The following PLXNA4 variants were observed in gnomAD, a reference collection of about 807,000 sequenced individuals.
PLXNA4 encodes the protein plexin A4, also known as plexin-A4.
A neutral mutation model predicts 191.8 loss-of-function variants in PLXNA4; 44 were observed. That is an observed-to-expected ratio of 0.23 (90% CI 0.18 to 0.29). PLXNA4 has a LOEUF of 0.29. Ranked by LOEUF, PLXNA4 falls within the 10% of genes least tolerant of loss-of-function variation. The pLI, the probability that PLXNA4 is intolerant of heterozygous loss-of-function variation, is 1.00. For synonymous variants in PLXNA4, 1,082 were observed against 1,009.5 expected (o/e 1.07, Z -1.36); for missense variants, 1,800 against 2,488.8 (o/e 0.72, Z 5.89).
chr7:132,396,259 A>T (rs2117018479), intron 3 of PLXNA4, among the ~76,000 whole-genome samples: 1 of 152,272 alleles, frequency 6.6e-6, no homozygotes. Flanking sequence ...GAATGGGGAG[A>T]GCTGCAGGTT....
intron 2 of PLXNA4, among the ~76,000 whole-genome samples, chr7:132,592,840 C>CTT (rs71272892): frequency 5.4e-5 from 8 of 149,298 alleles, no homozygotes; most frequent in African/African-American, 2.0e-4. Context: ...CCCTACGTGC[C>CTT]TTTTTTTTTC....
intron 2 of PLXNA4, among the ~76,000 whole-genome samples, chr7:132,599,500 T>A (rs541638595): frequency 6.6e-6 from 1 of 152,312 alleles, no homozygotes; most frequent in South Asian, 2.1e-4. Context: ...TAACACTCTA[T>A]TTTTAAATAT....
chr7:132,407,213 G>A (rs752278045), intron 3 of PLXNA4, among the ~76,000 whole-genome samples: 1 of 152,204 alleles, frequency 6.6e-6, no homozygotes, highest in Non-Finnish European at 1.5e-5. Context: ...AAGCAAGGCG[G>A]AAATGGCCCA....
chr7:132,407,743 T>C (rs1794282550), intron 3 of PLXNA4, among the ~76,000 whole-genome samples: 1 of 152,232 alleles, frequency 6.6e-6, no homozygotes, highest in Non-Finnish European at 1.5e-5. Context: ...CAGGGCTTTG[T>C]TGAATTGTGA....
Position 132,576,338 on chromosome 7 carries a change from G to T in PLXNA4, c.-87+84C>A. The T allele has an allele frequency of 4.2e-6, 4 of 953,094 alleles. No homozygotes were observed. The highest frequency in any genetic ancestry group is 5.0e-6 in the Non-Finnish European group (4 of 800,614). 59.0% of individuals were successfully genotyped at this position (953,094 alleles called of 1,614,324 possible). On this transcript the variant is annotated intron_variant, in intron 1 of 31. Coordinates refer to ENST00000321063, the MANE Select transcript of PLXNA4 (RefSeq NM_020911.2). This position sits in a 1 kb window ranked among gnomAD's most constrained non-coding sequence, Gnocchi z 5.8. ...CGCGGGCTGGCTCCGGGACACTGAG[G>T]ACTCCCGGGTCGGCCCAGGTCTGTC...
chr7:132,237,034 G>C (rs2117021084), intron 5 of PLXNA4, among the ~76,000 whole-genome samples: 1 of 152,344 alleles, frequency 6.6e-6, no homozygotes, highest in South Asian at 2.1e-4. Context: ...GAAGGAGAGA[G>C]CTCTCTGGAT....
chr7:132,638,982 C>T (rs910518034), intron 2 of PLXNA4, among the ~76,000 whole-genome samples: 2 of 152,184 alleles, frequency 1.3e-5, no homozygotes, highest in African/African-American at 4.8e-5. Context: ...ATTACACCCA[C>T]GTGTCCAGCA....
chr7:132,269,755 C>T (rs528103273), intron 4 of PLXNA4, among the ~76,000 whole-genome samples: 3 of 151,788 alleles, frequency 2.0e-5, no homozygotes, highest in African/African-American at 7.3e-5. Flanking sequence ...AATGTGGCTT[C>T]ATTTTGTTGT....
Position 132,181,430 on chromosome 7 carries a change from C to T in PLXNA4, c.3443G>A (p.Gly1148Asp), listed in dbSNP as rs761137076. ...CTTGAGCTCCAGGATTCCTGAGGGACCAAAGGCCTCAAACACCGGGTTGGG... is the reference window on the plus strand; with the variant it reads ...CTTGAGCTCCAGGATTCCTGAGGGATCAAAGGCCTCAAACACCGGGTTGGG... Reference protein sequence around the residue: ...YYPNPVFEAFGPSGILELKPG... With the variant: ...YYPNPVFEAFDPSGILELKPG... The change falls in exon 18 of 32, where the codon GGT (glycine) becomes GAT (aspartate). Residue 1148 changes from glycine (G) to aspartate (D), a missense_variant. By Grantham distance (94) the Gly-to-Asp change is moderately conservative. This residue lies in a region of PLXNA4 where 1,397 missense variants were observed against 1,880.4 expected (regional missense o/e 0.74). Transcript: ENST00000321063. The T allele has an allele frequency of 4.3e-6, 7 of 1,614,074 alleles. No homozygotes were observed. The Admixed American group carries it at 5.0e-5, about 12-fold the overall frequency.
rs145723458 is a variant in PLXNA4 at position 132,401,648 on chromosome 7, C to G, written c.1371+87644G>C. 6.6e-3 allele frequency among the ~76,000 whole-genome samples: 1,007 copies of G among 152,080 alleles called. 7 individuals are homozygous for G. Among genetic ancestry groups the G allele is most frequent in the Middle Eastern group, 0.037 (11 of 294 alleles). On this transcript the variant is annotated intron_variant, in intron 3 of 31. Coordinates refer to ENST00000321063, the MANE Select transcript of PLXNA4 (RefSeq NM_020911.2). ...GGGCATAAGTGGAGAATTCAGAGGA[C>G]GGGAAAGGGCCCTCTAAGCCAATAA... is the stretch of plus-strand genomic sequence containing the variant.
chr7:132,507,349 G>GT (rs1798506872), intron 2 of PLXNA4, among the ~76,000 whole-genome samples, 157 bp downstream of exon 2: 1 of 152,130 alleles, frequency 6.6e-6, no homozygotes, highest in African/African-American at 2.4e-5. Context: ...AGAATATTTG[G>GT]TGACACTCTG....
chr7:132,226,311 G>A (rs1435543514), intron 7 of PLXNA4, 51 bp from the exon 8 acceptor site: 6 of 1,491,938 alleles, frequency 4.0e-6, no homozygotes, highest in African/African-American at 1.4e-5. Flanking sequence ...CCCCAAGCCA[G>A]GGATTCCCTG....
At chr7:132,405,828 T>C (rs1179037444) in intron 3 of PLXNA4, among the ~76,000 whole-genome samples, 1 of 152,164 alleles carries the variant, frequency 6.6e-6, no homozygotes, top group Non-Finnish European at 1.5e-5. Context: ...ACCCAGGAAA[T>C]CTTACTCACA....
At position 132,241,047 on chromosome 7, in the gene PLXNA4, G is replaced by A; in HGVS notation, c.1604+19C>T. 7.0e-6 allele frequency: 11 copies of A among 1,569,048 alleles called. No individual in the cohort carries two copies. Among genetic ancestry groups the A allele is most frequent in the Non-Finnish European group, 9.6e-6 (11 of 1,149,694 alleles). On this transcript the variant is annotated intron_variant, in intron 5 of 31. Coordinates refer to ENST00000321063, the MANE Select transcript of PLXNA4 (RefSeq NM_020911.2). ...AGGAGGAAGTGGGAGGCACGAGGCAGCCTCCCCATGGTACTCACGTGTTGT... is the reference window on the plus strand; with the variant it reads ...AGGAGGAAGTGGGAGGCACGAGGCAACCTCCCCATGGTACTCACGTGTTGT...
intron 2 of PLXNA4, among the ~76,000 whole-genome samples, chr7:132,611,958 T>C (rs1199727442): frequency 1.3e-5 from 2 of 152,232 alleles, no homozygotes; most frequent in African/African-American, 2.4e-5. Context: ...CTTTGTGTTC[T>C]GCCATCTTCA....
At chr7:132,585,251 G>T (rs1298761924) in intron 2 of PLXNA4, among the ~76,000 whole-genome samples, 1 of 152,086 alleles carries the variant, frequency 6.6e-6, no homozygotes, top group Non-Finnish European at 1.5e-5. Context: ...CTTCTACATT[G>T]GAGTCAGTAA....
chr7:132,581,343 G>T (rs1802398960), upstream of PLXNA4, among the ~76,000 whole-genome samples: 1 of 152,178 alleles, frequency 6.6e-6, no homozygotes, highest in African/African-American at 2.4e-5. Flanking sequence ...ACTGTTCCAG[G>T]CTTCCCTAGC....
intron 3 of PLXNA4, among the ~76,000 whole-genome samples, chr7:132,467,334 C>T (rs893878910): frequency 1.3e-5 from 2 of 152,068 alleles, no homozygotes; most frequent in Non-Finnish European, 2.9e-5. Context: ...CCAAGGTGAC[C>T]CATTAGGCAA....
chr7:132,597,726 G>A (rs540227221), intron 2 of PLXNA4, among the ~76,000 whole-genome samples: 2 of 152,064 alleles, frequency 1.3e-5, no homozygotes, highest in South Asian at 2.1e-4. Flanking sequence ...TAAAATATGT[G>A]TATATTTCAT....
Sources: gnomAD v4.1 joint callset for allele counts (sites outside exome capture counted in the v4.1 genomes callset) on GRCh38, gnomAD v4.1.1 for gene constraint, gnomAD v4.1.1 regional missense constraint, Gnocchi (gnomAD v3.1) non-coding constraint, MANE v1.5 for transcripts, NCBI Gene and HGNC (gene_info 2026-07-23, HGNC 2026-07-21) for gene names.